The following CFTR variants were observed in gnomAD, a reference collection of about 807,000 sequenced individuals.
The protein encoded by CFTR is cystic fibrosis transmembrane conductance regulator.
In CFTR, 181 loss-of-function variants were observed where a neutral mutation model predicts 171.6. The observed-to-expected ratio is 1.05, with a 90% CI of 0.93 to 1.19. The LOEUF is 1.19. Among genes scored for constraint, CFTR ranks in the 50% most tolerant of loss-of-function variants. CFTR has a pLI of 0.00. For synonymous variants in CFTR, 583 were observed against 608.0 expected, an observed-to-expected ratio of 0.96 and a Z score of 0.60; for missense variants, 1,968 against 1,734.7, an observed-to-expected ratio of 1.13 and a Z score of -2.39.
intron 17 of CFTR, among the ~76,000 whole-genome samples, chr7:117,605,798 T>C (rs1374388805): frequency 1.3e-5 from 2 of 152,176 alleles, no homozygotes; most frequent in East Asian, 3.8e-4. Flanking sequence ...AGAGGAAGCT[T>C]GTACTAGGTA....
At chr7:117,623,574 G>A (rs1210195558) in intron 21 of CFTR, among the ~76,000 whole-genome samples, 2 of 152,128 alleles carry the variant, frequency 1.3e-5, no homozygotes, top group African/African-American at 4.8e-5. Context: ...ACAAATAGAT[G>A]AGACTAAAAA....
chr7:117,558,723 A>G (rs1799404467), intron 10 of CFTR, among the ~76,000 whole-genome samples: 2 of 152,052 alleles, frequency 1.3e-5, no homozygotes, highest in African/African-American at 4.8e-5. Context: ...TTAGCTTTAA[A>G]TGATACCTTT....
intron 18 of CFTR, among the ~76,000 whole-genome samples, chr7:117,610,137 C>CA (rs1318136771): frequency 2.7e-4 from 39 of 145,996 alleles, no homozygotes; most frequent in Middle Eastern, 3.4e-3. Context: ...ATCGCAAGAA[C>CA]AAAAAACCAA....
At chr7:117,628,973 T>C (rs1210481376) in intron 22 of CFTR, among the ~76,000 whole-genome samples, 2 of 152,130 alleles carry the variant, frequency 1.3e-5, no homozygotes, top group Non-Finnish European at 2.9e-5. Flanking sequence ...TGACTTTCTC[T>C]CCTCCTGACA....
chr7:117,501,053 A>G (rs181916364), intron 1 of CFTR, among the ~76,000 whole-genome samples: 3 of 152,308 alleles, frequency 2.0e-5, no homozygotes, highest in East Asian at 1.9e-4. Flanking sequence ...TTTTTAAAAG[A>G]GATTGAGGAG....
At chr7:117,562,262 C>T (rs562953298) in intron 11 of CFTR, among the ~76,000 whole-genome samples, 2 of 152,036 alleles carry the variant, frequency 1.3e-5, no homozygotes, top group African/African-American at 4.8e-5. Context: ...CCCTGAGAGA[C>T]AGTTCTTATT....
At chr7:117,620,281 G>A (rs796331565) in intron 21 of CFTR, among the ~76,000 whole-genome samples, 2 of 152,166 alleles carry the variant, frequency 1.3e-5, no homozygotes, top group African/African-American at 4.8e-5. Flanking sequence ...CCTTGGGCAA[G>A]TCCTAGCCTC....
At chr7:117,585,194 C>A (rs764323218) in intron 11 of CFTR, among the ~76,000 whole-genome samples, 134 of 151,772 alleles carry the variant, frequency 8.8e-4, no homozygotes, top group Non-Finnish European at 1.5e-3. Flanking sequence ...TTTTTCTCCT[C>A]TGCACACATT....
rs139304906 is a variant in CFTR, at chr7:117,611,671, T to C, written c.3230T>C (p.Leu1077Pro). ...AFGRQPYFET[L>P]FHKALNLHTA... is the part of the protein sequence containing the mutation. ...GGACGGCAGCCTTACTTTGAAACTC[T>C]GTTCCACAAAGCTCTGAATTTACAT... Residue 1077 changes from leucine (L) to proline (P), a missense_variant, in exon 20 of 27, where the codon CTG (leucine) becomes CCG (proline). Physicochemically the swap from Leu to Pro is moderately conservative, Grantham distance 98. Transcript: ENST00000003084. 5 of 1,613,514 alleles carry C rather than the reference T, an allele frequency of 3.1e-6. No homozygotes were observed. Among genetic ancestry groups the C allele is most frequent in the Non-Finnish European group, 3.4e-6 (4 of 1,179,746 alleles).
intron 17 of CFTR, among the ~76,000 whole-genome samples, chr7:117,606,308 A>G (rs987935063): frequency 3.9e-5 from 6 of 152,150 alleles, no homozygotes; most frequent in African/African-American, 9.7e-5. Context: ...AAGGGAAATG[A>G]TGACAACAGT....
chr7:117,562,849 T>G (rs1791537413), intron 11 of CFTR, among the ~76,000 whole-genome samples: 1 of 152,154 alleles, frequency 6.6e-6, no homozygotes, highest in Non-Finnish European at 1.5e-5. Flanking sequence ...AAATGTATTT[T>G]GGACAGAGGA....
At chr7:117,539,474 G>T (rs1799012059) in intron 7 of CFTR, among the ~76,000 whole-genome samples, 1 of 151,460 alleles carries the variant, frequency 6.6e-6, no homozygotes, top group Non-Finnish European at 1.5e-5. Context: ...GACTCATTCA[G>T]TCAGTATCTC....
intron 1 of CFTR, among the ~76,000 whole-genome samples, chr7:117,486,683 G>A (rs985217552): frequency 6.6e-6 from 1 of 151,872 alleles, no homozygotes; most frequent in African/African-American, 2.4e-5. Context: ...GTGGGAGATG[G>A]GTCTGGAAAC....
At chr7:117,507,965 G>A (rs552301272) in intron 2 of CFTR, among the ~76,000 whole-genome samples, 5 of 152,014 alleles carry the variant, frequency 3.3e-5, no homozygotes, top group African/African-American at 7.2e-5. Context: ...TTGTAGAGAC[G>A]GGGTTTTGCT....
chr7:117,563,608 A>T (rs1791551390), intron 11 of CFTR, among the ~76,000 whole-genome samples: 1 of 152,114 alleles, frequency 6.6e-6, no homozygotes, highest in Non-Finnish European at 1.5e-5. Flanking sequence ...TGGGGTTAGG[A>T]AGGAAGAATG....
chr7:117,510,157 T>C (rs1454874180), intron 3 of CFTR, among the ~76,000 whole-genome samples: 1 of 152,122 alleles, frequency 6.6e-6, no homozygotes, highest in Non-Finnish European at 1.5e-5. Context: ...TAATATATAT[T>C]CTTATGGAAA....
intron 3 of CFTR, among the ~76,000 whole-genome samples, chr7:117,515,560 T>G (rs997681214): frequency 9.2e-5 from 14 of 152,220 alleles, no homozygotes; most frequent in African/African-American, 3.4e-4. Context: ...CGTAGCCTTG[T>G]AGTATATTTT....
chr7:117,667,112 G>T lies in CFTR; in HGVS notation c.*4G>T. 6.2e-7 allele frequency: 1 copy of T among 1,613,404 alleles called. No homozygotes were observed. The highest frequency in any genetic ancestry group is 8.5e-7 in the Non-Finnish European group (1 of 1,179,532). On this transcript the variant is annotated 3_prime_UTR_variant, in exon 27 of 27. Coordinates refer to ENST00000003084, the MANE Select transcript of CFTR (RefSeq NM_000492.4). ...GGTGCAAGATACAAGGCTTTAGAGAGCAGCATAAATGTTGACATGGGACAT... is the reference window on the plus strand; with the variant it reads ...GGTGCAAGATACAAGGCTTTAGAGATCAGCATAAATGTTGACATGGGACAT...
At chr7:117,537,900 G>A (rs1372890046) in intron 7 of CFTR, among the ~76,000 whole-genome samples, 1 of 152,118 alleles carries the variant, frequency 6.6e-6, no homozygotes, top group Non-Finnish European at 1.5e-5. Flanking sequence ...TCCTCTGCCT[G>A]CAAACACATA....
Sources: allele counts gnomAD v4.1 joint callset (sites outside exome capture counted in the v4.1 genomes callset), GRCh38; gene constraint gnomAD v4.1.1; transcripts MANE v1.5; gene names NCBI Gene and HGNC (gene_info 2026-07-23, HGNC 2026-07-21).